The following BPNT1 variants were observed in gnomAD, a reference collection of about 807,000 sequenced individuals.
BPNT1 encodes the protein 3'(2'),5'-bisphosphate nucleotidase 1.
A neutral mutation model predicts 36.9 loss-of-function variants in BPNT1; 28 were observed. That is an observed-to-expected ratio of 0.76 (90% CI 0.56 to 1.04). The LOEUF is 1.04. Ranked by LOEUF, BPNT1 falls within the 50% of genes least tolerant of loss-of-function variation. BPNT1 has a pLI of 0.00. For missense variants in BPNT1, 313 were observed against 372.9 expected (o/e 0.84, Z 1.32); for synonymous variants, 119 against 130.9 (o/e 0.91, Z 0.62).
At chr1:220,076,783 C>A (rs1228536012) in intron 2 of BPNT1, among the ~76,000 whole-genome samples, 1 of 151,456 alleles carries the variant, frequency 6.6e-6, no homozygotes, top group Non-Finnish European at 1.5e-5. Context: ...TATTACCAAG[C>A]ATGTCTGTAG....
intron 8 of BPNT1, among the ~76,000 whole-genome samples, 196 bp from the exon 9 acceptor site, chr1:220,059,188 G>A (rs1662779061): frequency 6.7e-6 from 1 of 149,568 alleles, no homozygotes; most frequent in Non-Finnish European, 1.5e-5. Flanking sequence ...CTAACTAAAG[G>A]ATATAAAATT....
intron 1 of BPNT1, among the ~76,000 whole-genome samples, chr1:220,082,085 T>TAGAGAGAGAGAGAGAG (rs3055555): frequency 9.7e-6 from 1 of 103,296 alleles, no homozygotes; most frequent in African/African-American, 3.8e-5. Context: ...TATATATATA[T>TAGAGAGAGAGAGAGAG]AGAGAGAGAG....
At chr1:220,059,940 C>A (rs984405599) in intron 7 of BPNT1, 149 bp from the exon 8 acceptor site, 7 of 569,918 alleles carry the variant, frequency 1.2e-5, no homozygotes, top group Admixed American at 3.7e-5. Context: ...AAGCTTTTAG[C>A]AGGTTTAAAT....
rs564760886 is a variant in BPNT1 at position 220,076,204 on chromosome 1, T to C, written c.121-2133A>G. Among the ~76,000 whole-genome samples, 242 of 151,932 alleles carry C rather than the reference T, an allele frequency of 1.6e-3. 2 individuals carry two copies. Among genetic ancestry groups the C allele is most frequent in the African/African-American group, 5.7e-3 (235 of 41,440 alleles). ...CAACATGGAGAAACCCTGCCTCTAC[T>C]AAAAATACAAAATTAGCCCAGGCGT... On this transcript the variant is annotated intron_variant, in intron 2 of 8. Coordinates refer to ENST00000322067, the MANE Select transcript of BPNT1 (RefSeq NM_006085.6).
chr1:220,079,037 T>C (rs1319615739), intron 2 of BPNT1, among the ~76,000 whole-genome samples: 2 of 152,282 alleles, frequency 1.3e-5, no homozygotes, highest in East Asian at 3.9e-4. Context: ...TTCTTTTCCA[T>C]GAGGAAGAAA....
intron 2 of BPNT1, among the ~76,000 whole-genome samples, 184 bp downstream of exon 2, chr1:220,079,543 C>T (rs1664914370): frequency 1.3e-5 from 2 of 152,194 alleles, no homozygotes; most frequent in Non-Finnish European, 2.9e-5. Flanking sequence ...TGAGCCACCA[C>T]GCCCGGCCTT....
Position 220,079,857 on chromosome 1 carries a change from A to G in BPNT1, c.-8-3T>C, listed in dbSNP as rs749027749. The G allele has an allele frequency of 5.6e-6, 9 of 1,603,628 alleles. No individual in the cohort carries two copies. In the South Asian group the frequency reaches 1.0e-4, roughly 18 times the overall value. On this transcript the variant is annotated splice_region_variant and splice_polypyrimidine_tract_variant and intron_variant, in intron 1 of 8. Coordinates refer to ENST00000322067, the MANE Select transcript of BPNT1 (RefSeq NM_006085.6). ...GTTACTGGAAGCCATGGTACACTCT[A>G]AAAAGAGATCAAGAAAAATGTCTTG...
At chr1:220,064,623 G>T (rs560098185) in intron 6 of BPNT1, among the ~76,000 whole-genome samples, 1 of 152,192 alleles carries the variant, frequency 6.6e-6, no homozygotes, top group African/African-American at 2.4e-5. Flanking sequence ...TTGGGAAGAG[G>T]GGTGGTCCTA....
In BPNT1 at chr1:220,076,576, C is replaced by T. The variant is rs1664568168; in HGVS notation, c.121-2505G>A. 2.0e-5 allele frequency among the ~76,000 whole-genome samples: 3 copies of T among 149,680 alleles called. No individual in the cohort carries two copies. The South Asian group carries it at 6.3e-4, about 32-fold the overall frequency. On this transcript the variant is annotated intron_variant, in intron 2 of 8. Transcript: ENST00000322067. ...GGCACATGCCTGTAATCCCAGCTAC[C>T]CAGGAGGCTGAGGCAGGAGAATCGC...
chr1:220,071,102 C>T lies in BPNT1; in HGVS notation c.334-1670G>A, dbSNP rs1043133006. On this transcript the variant is annotated intron_variant, in intron 4 of 8. Transcript: ENST00000322067. ...GTCTCGATCTCCTGACCTCGTGATC[C>T]GCCTGCCTCGGCCTCCTAAAGTGCT... Among the ~76,000 whole-genome samples the T allele has an allele frequency of 5.9e-5, 9 of 152,020 alleles. No individual in the cohort carries two copies. In the East Asian group the frequency reaches 6.0e-4, roughly 10 times the overall value.
At chr1:220,064,968 C>T (rs930745119) in intron 6 of BPNT1, among the ~76,000 whole-genome samples, 5 of 151,942 alleles carry the variant, frequency 3.3e-5, no homozygotes, top group African/African-American at 7.3e-5. Flanking sequence ...CCACCATGTC[C>T]GGCTAATTTT....
intron 5 of BPNT1, among the ~76,000 whole-genome samples, chr1:220,067,943 A>C (rs185412402): frequency 6.6e-6 from 1 of 152,286 alleles, no homozygotes; most frequent in East Asian, 1.9e-4. Flanking sequence ...TATACACATT[A>C]AAGTTGTCTA....
intron 2 of BPNT1, among the ~76,000 whole-genome samples, chr1:220,076,560 C>T (rs535968110): frequency 3.4e-4 from 51 of 150,534 alleles, no homozygotes; most frequent in African/African-American, 1.2e-3. Context: ...TGGCACATGC[C>T]TGTAATCCCA....
chr1:220,077,232 A>G (rs1258469753), intron 2 of BPNT1, among the ~76,000 whole-genome samples: 1 of 152,176 alleles, frequency 6.6e-6, no homozygotes, highest in African/African-American at 2.4e-5. Flanking sequence ...GATGTTGTCT[A>G]TATAACTAAA....
chr1:220,062,826 C>T lies in BPNT1; in HGVS notation c.603G>A (p.Lys201=). ...TAGCAGCAACACAGTCAGTAACCAA[C>T]TTGTTGCTATGGGATCGAGTAGTTG... is the stretch of plus-strand genomic sequence containing the variant. The part of the protein sequence containing the change: ...IITTTRSHSN[K]LVTDCVAAMN... Residue 201 remains lysine (K), a synonymous_variant, in exon 7 of 9, where the codon AAG becomes AAA. Coordinates refer to ENST00000322067, the MANE Select transcript of BPNT1 (RefSeq NM_006085.6). The T allele has an allele frequency of 6.2e-7, 1 of 1,614,148 alleles. No individual in the cohort carries two copies. The highest frequency in any genetic ancestry group is 2.2e-5 in the East Asian group (1 of 44,870).
chr1:220,075,049 G>A (rs1664417740), intron 2 of BPNT1, among the ~76,000 whole-genome samples: 1 of 152,066 alleles, frequency 6.6e-6, no homozygotes, highest in Non-Finnish European at 1.5e-5. Context: ...TTGTTTGTTT[G>A]TTTGTTTGTT....
chr1:220,072,204 T>G (rs1391224455), intron 4 of BPNT1, among the ~76,000 whole-genome samples: 1 of 150,938 alleles, frequency 6.6e-6, no homozygotes, highest in Non-Finnish European at 1.5e-5. Flanking sequence ...CTACTAAAAA[T>G]ACAAAAAAAT....
At chr1:220,059,234 T>C (rs993131874) in intron 8 of BPNT1, among the ~76,000 whole-genome samples, 3 of 139,734 alleles carry the variant, frequency 2.1e-5, no homozygotes, top group Non-Finnish European at 4.5e-5. Flanking sequence ...TTATTTAGCA[T>C]TTTCTTTTCT....
Position 220,074,067 on chromosome 1 carries a change from C to T in BPNT1, c.125G>A (p.Cys42Tyr). ...AGCTTTGGTCTGCAGGTCTGTTGCA[C>T]AGGTCTGTAATAAAGAATGCAAATT... is the stretch of plus-strand genomic sequence containing the variant. ...EGDLGIVEKT[C>Y]ATDLQTKADR... The change falls in exon 3 of 9, where the codon TGT becomes TAT. Residue 42 changes from cysteine (C) to tyrosine (Y), a missense_variant. Coordinates refer to ENST00000322067, the MANE Select transcript of BPNT1 (RefSeq NM_006085.6). The T allele has an allele frequency of 6.2e-7, 1 of 1,613,336 alleles. No homozygotes were observed. Among genetic ancestry groups the T allele is most frequent in the South Asian group, 1.1e-5 (1 of 90,738 alleles).
Sources: gnomAD v4.1 joint callset for allele counts (sites outside exome capture counted in the v4.1 genomes callset) on GRCh38, gnomAD v4.1.1 for gene constraint, MANE v1.5 for transcripts, NCBI Gene and HGNC (gene_info 2026-07-23, HGNC 2026-07-21) for gene names.